The following TENM3 variants were observed in gnomAD, a reference collection of about 807,000 sequenced individuals.
The protein encoded by TENM3 is teneurin transmembrane protein 3.
In TENM3, 63 loss-of-function variants were observed where a neutral mutation model predicts 255.1. The observed-to-expected ratio is 0.25, with a 90% confidence interval of 0.20 to 0.30. TENM3 has a LOEUF of 0.30. Ranked by LOEUF, TENM3 falls within the 10% of genes least tolerant of loss-of-function variation. TENM3 has a pLI of 1.00. For synonymous variants in TENM3, 1,306 were observed against 1,322.3 expected (o/e 0.99, Z 0.27); for missense variants, 2,929 against 3,461.1 (o/e 0.85, Z 3.86).
At chr4:182,470,292 A>C (rs888501187) in intron 3 of TENM3, among the ~76,000 whole-genome samples, 19 of 152,204 alleles carry the variant, frequency 1.2e-4, no homozygotes, top group Admixed American at 9.8e-4. Context: ...GTATTTTAGA[A>C]GTTTGTTTAT....
At chr4:182,067,331 G>A in the TENM3 span, among the ~76,000 whole-genome samples, 1 of 152,096 alleles carries the variant, frequency 6.6e-6, no homozygotes, top group Admixed American at 6.5e-5. Context: ...ATAGTGTTCC[G>A]CTGCATGAAA....
chr4:182,459,883 AAATATTC>A (rs1561470043), intron 3 of TENM3, among the ~76,000 whole-genome samples: 1 of 152,214 alleles, frequency 6.6e-6, no homozygotes, highest in Non-Finnish European at 1.5e-5. Context: ...GAATAGAATT[AAATATTC>A]AAGATTTCAA....
chr4:181,705,051 CAAAAA>C, the TENM3 span, among the ~76,000 whole-genome samples: 2 of 147,368 alleles, frequency 1.4e-5, no homozygotes, highest in African/African-American at 5.1e-5. Flanking sequence ...CAAAACAAAA[CAAAAA>C]AAAAAAAACA....
At chr4:182,072,168 G>T in the TENM3 span, among the ~76,000 whole-genome samples, 1 of 152,142 alleles carries the variant, frequency 6.6e-6, no homozygotes, top group Admixed American at 6.6e-5. Context: ...TGCCTTGTGG[G>T]ATACTTTTCA....
the TENM3 span, among the ~76,000 whole-genome samples, chr4:181,594,973 C>A: frequency 1.4e-4 from 22 of 152,204 alleles, 1 homozygote; most frequent in East Asian, 4.3e-3. Flanking sequence ...CAGAAAGGCC[C>A]ATACCTCTGT....
chr4:181,659,628 T>A, the TENM3 span, among the ~76,000 whole-genome samples: 1 of 152,226 alleles, frequency 6.6e-6, no homozygotes, highest in Non-Finnish European at 1.5e-5. Context: ...AACAGCAGCC[T>A]GTTCTTGAAT....
the TENM3 span, among the ~76,000 whole-genome samples, chr4:181,868,477 C>G: frequency 6.6e-6 from 1 of 152,158 alleles, no homozygotes; most frequent in Non-Finnish European, 1.5e-5. Context: ...TTGGCATTAT[C>G]TCACCTTTAC....
chr4:182,738,188 T>C (rs1403795500), intron 17 of TENM3, among the ~76,000 whole-genome samples: 1 of 152,182 alleles, frequency 6.6e-6, no homozygotes, highest in Non-Finnish European at 1.5e-5. Context: ...ACTCATTTTC[T>C]ATTAAATCAG....
intron 3 of TENM3, among the ~76,000 whole-genome samples, chr4:182,440,316 CT>C: frequency 1.3e-5 from 2 of 151,874 alleles, no homozygotes; most frequent in Non-Finnish European, 2.9e-5. Flanking sequence ...GTGTCACCAT[CT>C]TGGCCAGGCT....
At chr4:181,840,765 T>A in the TENM3 span, among the ~76,000 whole-genome samples, 1 of 152,114 alleles carries the variant, frequency 6.6e-6, no homozygotes, top group Non-Finnish European at 1.5e-5. Flanking sequence ...GTATGAGCCA[T>A]GGGCTTTGAA....
At chr4:182,508,745 C>T (rs1019389238) in intron 3 of TENM3, among the ~76,000 whole-genome samples, 2 of 152,138 alleles carry the variant, frequency 1.3e-5, no homozygotes, top group African/African-American at 4.8e-5. Context: ...TTTCTTCTTT[C>T]CTTTGAATCA....
chr4:182,586,121 G>T (rs1422190873), intron 3 of TENM3, among the ~76,000 whole-genome samples: 7 of 152,146 alleles, frequency 4.6e-5, no homozygotes, highest in Non-Finnish European at 5.9e-5. Context: ...GCTGAGGATG[G>T]TGCTGCATGC....
chr4:182,221,068 G>C (rs917733488), intron 1 of TENM3, among the ~76,000 whole-genome samples: 1 of 152,192 alleles, frequency 6.6e-6, no homozygotes, highest in Non-Finnish European at 1.5e-5. Context: ...TGTTCTGTGT[G>C]TGTGCTTAAG....
chr4:182,591,797 C>T (rs1005127881), intron 3 of TENM3, among the ~76,000 whole-genome samples: 3 of 151,964 alleles, frequency 2.0e-5, no homozygotes, highest in African/African-American at 7.2e-5. Context: ...TTTATTATGC[C>T]ATTTTAGGTG....
At chr4:181,893,705 G>T in the TENM3 span, among the ~76,000 whole-genome samples, 1 of 152,068 alleles carries the variant, frequency 6.6e-6, no homozygotes, top group East Asian at 1.9e-4. Flanking sequence ...TTAGTATTTG[G>T]TCCTGTTTCT....
intron 3 of TENM3, among the ~76,000 whole-genome samples, chr4:182,368,760 A>G (rs1326829922): frequency 6.6e-6 from 1 of 152,132 alleles, no homozygotes; most frequent in Non-Finnish European, 1.5e-5. Context: ...TATACCCACG[A>G]GTCCTGGTTT....
chr4:182,337,813 G>A (rs1172577646), intron 2 of TENM3, among the ~76,000 whole-genome samples: 2 of 152,142 alleles, frequency 1.3e-5, no homozygotes, highest in Admixed American at 1.3e-4. Flanking sequence ...ACACAAAAGA[G>A]TGATCTACAG....
Position 182,156,303 on chromosome 4 carries a change from A to G in TENM3, c.-76+11549A>G, listed in dbSNP as rs150033454. On this transcript the variant is annotated intron_variant, in intron 1 of 2. Coordinates refer to the TENM3 transcript ENST00000512480. ...ATTTTTATGAGGTACGCGCCACTGAAGCAAGTGATTGCTACACTTCTGTGA... is the reference window on the plus strand; with the variant it reads ...ATTTTTATGAGGTACGCGCCACTGAGGCAAGTGATTGCTACACTTCTGTGA... Among the ~76,000 whole-genome samples, 667 of 152,312 alleles carry G rather than the reference A, an allele frequency of 4.4e-3. 13 individuals carry two copies. Among genetic ancestry groups the G allele is most frequent in the Middle Eastern group, 0.014 (4 of 294 alleles).
At chr4:181,576,225 C>T in the TENM3 span, among the ~76,000 whole-genome samples, 4 of 152,112 alleles carry the variant, frequency 2.6e-5, no homozygotes, top group Non-Finnish European at 4.4e-5. Context: ...TGAGTTGTTC[C>T]ACTTAAAATA....
Sources: gnomAD v4.1 joint callset for allele counts (sites outside exome capture counted in the v4.1 genomes callset) on GRCh38, gnomAD v4.1.1 for gene constraint, MANE v1.5 for transcripts, NCBI Gene and HGNC (gene_info 2026-07-23, HGNC 2026-07-21) for gene names.